PCBP3: variants seen among roughly 807,000 people sequenced by gnomAD.
PCBP3 encodes the protein poly(rC) binding protein 3, also known as poly(rC)-binding protein 3.
Under a neutral mutation model 52.7 loss-of-function variants are expected in PCBP3, and 25 were observed. The observed-to-expected ratio is 0.47, with a 90% CI of 0.35 to 0.66. PCBP3 has a LOEUF of 0.66. PCBP3 is among the 30% of genes least tolerant of loss of function. The pLI is 0.01. For missense variants in PCBP3, 391 were observed against 490.3 expected (o/e 0.80, Z 1.91); for synonymous variants, 162 against 183.0 (o/e 0.89, Z 0.93).
At position 45,791,285 on chromosome 21, in the gene PCBP3, C is replaced by T. The variant is rs947809246; in HGVS notation, c.-126+35833C>T. Among the ~76,000 whole-genome samples the T allele has an allele frequency of 1.3e-5, 2 of 152,102 alleles. No individual in the cohort carries two copies. Among genetic ancestry groups the T allele is most frequent in the African/African-American group, 4.8e-5 (2 of 41,384 alleles). On this transcript the variant is annotated intron_variant, in intron 4 of 17. Transcript: ENST00000681687. The surrounding 1 kb of genome is among the most constrained non-coding windows in gnomAD (Gnocchi z 4.2). Reference sequence around the variant, plus strand: ...CATATGGGTCAGTGTAAGGTTTGTGCGGTAGAATTTGGAAGGCTGGGAGCA... The same window carrying T: ...CATATGGGTCAGTGTAAGGTTTGTGTGGTAGAATTTGGAAGGCTGGGAGCA...
chr21:45,700,766 C>G lies in PCBP3; in HGVS notation c.-200+31814C>G, dbSNP rs75186649. ...CCTACATGAAGGCTGGTCACTCCCTCCTTCTCAGGCACTGCGTCCCTCAGC... is the reference window on the plus strand; with the variant it reads ...CCTACATGAAGGCTGGTCACTCCCTGCTTCTCAGGCACTGCGTCCCTCAGC... On this transcript the variant is annotated intron_variant, in intron 2 of 17. Transcript: ENST00000681687. Among the ~76,000 whole-genome samples, 109 of 152,276 alleles carry G rather than the reference C, an allele frequency of 7.2e-4. 1 individual carries two copies. In the East Asian group the frequency reaches 0.021, roughly 29 times the overall value.
Position 45,800,989 on chromosome 21 carries a change from C to T in PCBP3, c.-126+45537C>T, listed in dbSNP as rs901653136. ...TTGTTGCCCGTTCTGCGTGGCCACCCGTTCTTGCCAGCATGCCCACTCGCT... is the reference window on the plus strand; with the variant it reads ...TTGTTGCCCGTTCTGCGTGGCCACCTGTTCTTGCCAGCATGCCCACTCGCT... On this transcript the variant is annotated intron_variant, in intron 4 of 17. Transcript: ENST00000681687. This position sits in a 1 kb window ranked among gnomAD's most constrained non-coding sequence, Gnocchi z 5.3. Among the ~76,000 whole-genome samples, 2 of 152,210 alleles carry T rather than the reference C, an allele frequency of 1.3e-5. No individual in the cohort carries two copies. Among genetic ancestry groups the T allele is most frequent in the African/African-American group, 4.8e-5 (2 of 41,454 alleles).
At chr21:45,644,302 C>T (rs1340586122) in intron 1 of PCBP3, among the ~76,000 whole-genome samples, 2 of 151,682 alleles carry the variant, frequency 1.3e-5, no homozygotes, top group African/African-American at 4.8e-5. Context: ...GGGCGGGGCG[C>T]GGGGCCTCCT....
At chr21:45,925,036 GAGTGGGTAGAAACAGCACA>G (rs2075176662) in intron 13 of PCBP3, among the ~76,000 whole-genome samples, 1 of 93,872 alleles carries the variant, frequency 1.1e-5, no homozygotes, top group Non-Finnish European at 2.2e-5. Flanking sequence ...GGGAACAGTC[GAGTGGGTAGAAACAGCACA>G]CGTAAGATCG....
intron 5 of PCBP3, among the ~76,000 whole-genome samples, chr21:45,888,055 C>T (rs1300446550): frequency 6.6e-6 from 1 of 152,186 alleles, no homozygotes; most frequent in African/African-American, 2.4e-5. Context: ...AGGGTCTCTC[C>T]TCAGGAGCAC....
chr21:45,860,989 G>A (rs1285138429), intron 5 of PCBP3, among the ~76,000 whole-genome samples: 2 of 152,208 alleles, frequency 1.3e-5, no homozygotes, highest in Non-Finnish European at 2.9e-5. Flanking sequence ...CGCCCTCACT[G>A]GGCTCTTGGC....
intron 2 of PCBP3, among the ~76,000 whole-genome samples, chr21:45,734,104 A>AT (rs1285473684): frequency 6.6e-6 from 1 of 152,172 alleles, no homozygotes; most frequent in Admixed American, 6.5e-5. Context: ...GAAAGTTCAG[A>AT]TTTTTTGGCA....
chr21:45,781,529 G>A (rs988182698), intron 4 of PCBP3, among the ~76,000 whole-genome samples: 1 of 152,320 alleles, frequency 6.6e-6, no homozygotes, highest in South Asian at 2.1e-4. Context: ...TTCATATACT[G>A]TTGGTGGGAA....
rs190677253 is a variant in PCBP3 at position 45,810,615 on chromosome 21, T to C, written c.-125-39346T>C. Among the ~76,000 whole-genome samples the C allele has an allele frequency of 3.1e-3, 467 of 152,288 alleles. 3 individuals carry two copies. The highest frequency in any genetic ancestry group is 5.1e-3 in the Non-Finnish European group (346 of 68,026). On this transcript the variant is annotated intron_variant, in intron 4 of 17. Coordinates refer to ENST00000681687, the MANE Select transcript of PCBP3 (RefSeq NM_001384156.1). ...TTTTGGTAATGATTTTTTATAGCTA[T>C]GGTCATGAGAGACACTTTCATTTTT...
intron 9 of PCBP3, among the ~76,000 whole-genome samples, chr21:45,901,773 C>T (rs540341231): frequency 2.2e-5 from 3 of 138,534 alleles, no homozygotes; most frequent in African/African-American, 8.6e-5. Context: ...AGAGAGAGAG[C>T]GAGGGGGAGA....
At position 45,817,390 on chromosome 21, in the gene PCBP3, C is replaced by G. The variant is rs546546716; in HGVS notation, c.-125-32571C>G. Among the ~76,000 whole-genome samples the G allele has an allele frequency of 6.6e-6, 1 of 152,356 alleles. No individual in the cohort carries two copies. Among genetic ancestry groups the G allele is most frequent in the East Asian group, 1.9e-4 (1 of 5,184 alleles). On this transcript the variant is annotated intron_variant, in intron 4 of 17. Coordinates refer to ENST00000681687, the MANE Select transcript of PCBP3 (RefSeq NM_001384156.1). The surrounding 1 kb of genome is among the most constrained non-coding windows in gnomAD (Gnocchi z 4.3). Reference sequence around the variant, plus strand: ...CTCATACTCCCCAGTAGTTCTGTCTCTCTCTGCCATTCCTCATGGAGTCCT... The same window carrying G: ...CTCATACTCCCCAGTAGTTCTGTCTGTCTCTGCCATTCCTCATGGAGTCCT...
chr21:45,677,246 A>G (rs1481343139), intron 2 of PCBP3, among the ~76,000 whole-genome samples: 1 of 152,192 alleles, frequency 6.6e-6, no homozygotes, highest in Admixed American at 6.5e-5. Flanking sequence ...AAGAAAGCGA[A>G]ACAGCCTTGT....
At chr21:45,910,398 T>C (rs970227591) in intron 10 of PCBP3, among the ~76,000 whole-genome samples, 14 of 151,806 alleles carry the variant, frequency 9.2e-5, no homozygotes. Context: ...CCAGGGCACC[T>C]GGAGACAGCC....
chr21:45,711,975 T>C (rs977292215), intron 2 of PCBP3, among the ~76,000 whole-genome samples: 2 of 152,196 alleles, frequency 1.3e-5, no homozygotes, highest in African/African-American at 4.8e-5. Flanking sequence ...CTGTCAACCA[T>C]CTCTATAATT....
chr21:45,683,226 G>C (rs1211178452), intron 2 of PCBP3, among the ~76,000 whole-genome samples: 1 of 152,176 alleles, frequency 6.6e-6, no homozygotes, highest in Non-Finnish European at 1.5e-5. Context: ...GAGGCCTTTG[G>C]TGATCCCCAC....
intron 5 of PCBP3, among the ~76,000 whole-genome samples, chr21:45,876,135 A>G (rs1260612368): frequency 6.6e-6 from 1 of 152,154 alleles, no homozygotes; most frequent in East Asian, 1.9e-4. Context: ...GCACCGATGG[A>G]GCGGTCAGGG....
At chr21:45,796,575 C>G (rs922997419) in intron 4 of PCBP3, among the ~76,000 whole-genome samples, 1 of 152,034 alleles carries the variant, frequency 6.6e-6, no homozygotes, top group African/African-American at 2.4e-5. Flanking sequence ...CTAATTTCAT[C>G]TTTATTTTTG....
intron 5 of PCBP3, among the ~76,000 whole-genome samples, chr21:45,895,641 G>C (rs1358172376): frequency 2.6e-5 from 4 of 152,264 alleles, no homozygotes; most frequent in African/African-American, 9.6e-5. Flanking sequence ...CTGTGTGCTT[G>C]GAAGGCACTT....
intron 5 of PCBP3, among the ~76,000 whole-genome samples, chr21:45,894,985 TTGA>T (rs1481765497): frequency 2.0e-5 from 3 of 152,228 alleles, no homozygotes; most frequent in Non-Finnish European, 4.4e-5. Context: ...TCTGAGTGTG[TTGA>T]TGAAGTGACC....
Sources: gnomAD v4.1 joint callset for allele counts (sites outside exome capture counted in the v4.1 genomes callset) on GRCh38, gnomAD v4.1.1 for gene constraint, Gnocchi (gnomAD v3.1) non-coding constraint, MANE v1.5 for transcripts, NCBI Gene and HGNC (gene_info 2026-07-23, HGNC 2026-07-21) for gene names.